Variants in TMIGD3 observed in about 807,000 individuals in gnomAD.
The protein encoded by TMIGD3 is AD026 protein (AD026).
A neutral mutation model predicts 28.1 loss-of-function variants in TMIGD3; 21 were observed. That is an observed-to-expected ratio of 0.75 (90% CI 0.53 to 1.08). The LOEUF (loss-of-function observed/expected upper bound fraction) is 1.08, where lower values mean the gene tolerates loss of function less well. TMIGD3 is among the 50% of genes least tolerant of loss of function. TMIGD3 has a pLI of 0.00. For synonymous variants in TMIGD3, 151 were observed against 162.1 expected (o/e 0.93, Z 0.52); for missense variants, 416 against 435.6 (o/e 0.96, Z 0.40).
chr1:111,521,670 G>C (rs146770992), intron 1 of TMIGD3, among the ~76,000 whole-genome samples: 158 of 152,218 alleles, frequency 1.0e-3, no homozygotes, highest in Non-Finnish European at 1.8e-3. Context: ...TTAGTTATAA[G>C]TCTTTCGTCA....
At chr1:111,491,678 CTA>C (rs1158347559) in intron 1 of TMIGD3, among the ~76,000 whole-genome samples, 1 of 152,062 alleles carries the variant, frequency 6.6e-6, no homozygotes, top group African/African-American at 2.4e-5. Flanking sequence ...TCAAAAACCT[CTA>C]TGAGTTTCAC....
At chr1:111,524,046 T>A (rs371572195) in intron 1 of TMIGD3, among the ~76,000 whole-genome samples, 1 of 80,004 alleles carries the variant, frequency 1.2e-5, no homozygotes, top group Non-Finnish European at 3.3e-5. Context: ...TTTTTTTTTT[T>A]TGGGATGGAA....
At chr1:111,498,448 T>C (rs1269283992) in intron 1 of TMIGD3, among the ~76,000 whole-genome samples, 3 of 152,226 alleles carry the variant, frequency 2.0e-5, no homozygotes, top group Non-Finnish European at 4.4e-5. Context: ...TCAGCAATAG[T>C]AGCTAAGGCA....
At chr1:111,556,611 A>G (rs1188889981) in intron 1 of TMIGD3, among the ~76,000 whole-genome samples, 1 of 152,228 alleles carries the variant, frequency 6.6e-6, no homozygotes, top group Non-Finnish European at 1.5e-5. Flanking sequence ...GACATGGATG[A>G]AACTTGAGGA....
chr1:111,512,742 T>A lies in TMIGD3; in HGVS notation c.108-21980A>T, dbSNP rs566470608. The stretch of plus-strand genomic sequence containing the variant: ...TAGAGGTTGAATTAAAGGAAAGTCA[T>A]TCCACACCCACCACCCTGTGGGCTA... On this transcript the variant is annotated intron_variant, in intron 1 of 5. Coordinates refer to the TMIGD3 transcript ENST00000369717. Among the ~76,000 whole-genome samples the A allele has an allele frequency of 1.2e-4, 18 of 152,302 alleles. 2 individuals are homozygous for A. The highest frequency in any genetic ancestry group is 4.3e-4 in the African/African-American group (18 of 41,558).
At chr1:111,497,902 G>T (rs951155847) in intron 1 of TMIGD3, among the ~76,000 whole-genome samples, 1 of 152,178 alleles carries the variant, frequency 6.6e-6, no homozygotes, top group African/African-American at 2.4e-5. Context: ...AAGAAGCATG[G>T]TGCGGGGATT....
intron 1 of TMIGD3, among the ~76,000 whole-genome samples, chr1:111,535,168 C>A (rs1219437308): frequency 6.6e-6 from 1 of 152,172 alleles, no homozygotes; most frequent in East Asian, 1.9e-4. Context: ...TCATGAAGTA[C>A]CTCAACAGTG....
chr1:111,499,812 G>A (rs1163579799), intron 1 of TMIGD3: 6 of 1,494,062 alleles, frequency 4.0e-6, no homozygotes, highest in African/African-American at 1.4e-5. Context: ...GATATAATTG[G>A]GGAGCACTGG....
rs555209778 is a variant in TMIGD3, at chr1:111,503,217, G to C, written c.138C>G (p.Thr46=). 5 of 1,614,252 alleles carry C rather than the reference G, an allele frequency of 3.1e-6. 1 individual carries two copies. In the South Asian group the frequency reaches 5.5e-5, roughly 18 times the overall value. ...VVKLNPSLQT[T]TFYFIVSLAL... is the part of the protein sequence containing the mutation. Reference sequence around the variant, plus strand: ...CTAGAGAGACAATGAAATAGAAGGTGGTGGTCTGCAGGCTGGGGTTCAGCT... The same window carrying C: ...CTAGAGAGACAATGAAATAGAAGGTCGTGGTCTGCAGGCTGGGGTTCAGCT... The change falls in exon 1 of 6, where the codon ACC becomes ACG. Residue 46 remains threonine, a synonymous_variant. Transcript: ENST00000369716.
chr1:111,486,685 G>A, intron 3 of TMIGD3, 33 bp from the exon 4 acceptor site: 16 of 1,591,420 alleles, frequency 1.0e-5, no homozygotes, highest in Non-Finnish European at 1.3e-5. Context: ...AGTCAGGTGA[G>A]GCCCATAGCC....
chr1:111,518,820 C>T (rs968197882), intron 1 of TMIGD3, among the ~76,000 whole-genome samples: 1 of 152,248 alleles, frequency 6.6e-6, no homozygotes, highest in Non-Finnish European at 1.5e-5. Flanking sequence ...GAACTTACAA[C>T]CTCTGGCTAC....
chr1:111,494,717 G>C (rs978233458), intron 1 of TMIGD3, among the ~76,000 whole-genome samples: 2 of 152,292 alleles, frequency 1.3e-5, no homozygotes, highest in South Asian at 4.1e-4. Context: ...AACCAAGCTG[G>C]AGGATATGAC....
intron 1 of TMIGD3, among the ~76,000 whole-genome samples, chr1:111,498,779 C>G (rs1422699829): frequency 6.6e-6 from 1 of 152,144 alleles, no homozygotes; most frequent in East Asian, 1.9e-4. Context: ...ATGCAAAGTA[C>G]TTAGTGTATA....
chr1:111,559,994 A>T (rs1311791547), intron 1 of TMIGD3, among the ~76,000 whole-genome samples: 1 of 152,214 alleles, frequency 6.6e-6, no homozygotes. Flanking sequence ...AAGGTTCTTG[A>T]CACATCAAAC....
intron 3 of TMIGD3, among the ~76,000 whole-genome samples, chr1:111,488,162 T>G (rs1654475288): frequency 6.6e-6 from 1 of 152,108 alleles, no homozygotes; most frequent in Non-Finnish European, 1.5e-5. Flanking sequence ...TGGGTCATTT[T>G]TTGCAGCCTC....
At chr1:111,488,489 C>A (rs1654493425) in intron 3 of TMIGD3, among the ~76,000 whole-genome samples, 188 bp downstream of exon 3, 1 of 152,246 alleles carries the variant, frequency 6.6e-6, no homozygotes, top group Non-Finnish European at 1.5e-5. Flanking sequence ...TTGTCCCCAA[C>A]TTCCAGCTAT....
chr1:111,499,729 C>T, intron 1 of TMIGD3: 2 of 1,375,822 alleles, frequency 1.5e-6, no homozygotes, highest in Non-Finnish European at 1.9e-6. Context: ...CAAGTCAGGC[C>T]TCCAAAACAC....
chr1:111,485,507 C>T, intron 5 of TMIGD3: 1 of 428,038 alleles, frequency 2.3e-6, no homozygotes, highest in East Asian at 3.7e-5. Context: ...CTCCTTCCTT[C>T]CTGACCTACA....
chr1:111,543,910 T>G (rs922381929), intron 1 of TMIGD3, among the ~76,000 whole-genome samples: 3 of 152,182 alleles, frequency 2.0e-5, no homozygotes, highest in African/African-American at 7.2e-5. Flanking sequence ...TAGGCAAAGA[T>G]GGGGCTCTCT....
Sources: gnomAD v4.1 joint callset for allele counts (sites outside exome capture counted in the v4.1 genomes callset) on GRCh38, gnomAD v4.1.1 for gene constraint, MANE v1.5 for transcripts, NCBI Gene and HGNC (gene_info 2026-07-23, HGNC 2026-07-21) for gene names.